Variants in FCHSD2 observed in about 807,000 individuals in gnomAD.
The protein encoded by FCHSD2 is F-BAR and double SH3 domains protein 2.
FCHSD2 carries 38 observed loss-of-function variants against 108.1 expected under a neutral mutation model. The ratio of observed to expected loss-of-function variants is 0.35; its 90% confidence interval spans 0.27 to 0.46. The LOEUF (loss-of-function observed/expected upper bound fraction) is 0.46, where lower values mean the gene tolerates loss of function less well. FCHSD2 is among the 20% of genes least tolerant of loss of function. FCHSD2 has a pLI of 1.00. For missense variants in FCHSD2, 751 were observed against 897.8 expected, an observed-to-expected ratio of 0.84 and a Z score of 2.09; for synonymous variants, 279 against 314.7, an observed-to-expected ratio of 0.89 and a Z score of 1.20.
rs373133591 is a variant in FCHSD2 at position 72,846,013 on chromosome 11, A to G, written c.1444-2481T>C. The stretch of plus-strand genomic sequence containing the variant: ...TGTTGAATGAATGGGGTGTTTGATA[A>G]TATCTTCCTCATAGGGTTATTGAAG... On this transcript the variant is annotated intron_variant, in intron 14 of 19. Coordinates refer to ENST00000409418, the MANE Select transcript of FCHSD2 (RefSeq NM_014824.3). Among the ~76,000 whole-genome samples the G allele has an allele frequency of 7.2e-5, 11 of 152,228 alleles. No individual in the cohort carries two copies. The East Asian group carries it at 1.9e-3, about 27-fold the overall frequency.
chr11:73,133,922 T>C (rs7117812), intron 2 of FCHSD2, among the ~76,000 whole-genome samples: 225 of 152,020 alleles, frequency 1.5e-3, no homozygotes, highest in African/African-American at 5.3e-3. Flanking sequence ...GAGCGACTGC[T>C]AATGGGTACC....
chr11:73,014,512 T>C (rs769379290), intron 4 of FCHSD2, among the ~76,000 whole-genome samples: 6 of 152,206 alleles, frequency 3.9e-5, no homozygotes, highest in Non-Finnish European at 8.8e-5. Context: ...CCTTCCATGA[T>C]ATCAGTAGGC....
At chr11:72,842,904 C>G in intron 16 of FCHSD2, 63 bp from the exon 17 acceptor site, 3 of 1,247,096 alleles carry the variant, frequency 2.4e-6, no homozygotes, top group Non-Finnish European at 3.5e-6. Flanking sequence ...TTTGCAACCA[C>G]CCCTATGCTC....
At chr11:73,047,055 A>C (rs577787034) in intron 3 of FCHSD2, among the ~76,000 whole-genome samples, 22 of 152,164 alleles carry the variant, frequency 1.4e-4, no homozygotes, top group Non-Finnish European at 2.6e-4. Context: ...AATACTATTA[A>C]ATATAAAAGA....
At chr11:73,013,980 C>T (rs1220550383) in intron 4 of FCHSD2, among the ~76,000 whole-genome samples, 1 of 152,024 alleles carries the variant, frequency 6.6e-6, no homozygotes, top group Non-Finnish European at 1.5e-5. Flanking sequence ...TTCCTTATAC[C>T]AGCAACACTG....
intron 3 of FCHSD2, among the ~76,000 whole-genome samples, chr11:73,067,839 A>C (rs180956528): frequency 6.6e-6 from 1 of 152,366 alleles, no homozygotes; most frequent in East Asian, 1.9e-4. Context: ...TACCTGCATT[A>C]GTCCATTTTC....
chr11:72,998,824 T>C (rs1044636759), intron 5 of FCHSD2, among the ~76,000 whole-genome samples: 5 of 152,194 alleles, frequency 3.3e-5, no homozygotes, highest in Non-Finnish European at 7.4e-5. Flanking sequence ...GGATAACAGA[T>C]GTTGGCAAGG....
Position 73,105,890 on chromosome 11 carries a change from T to C in FCHSD2, c.120-22150A>G, listed in dbSNP as rs549178765. On this transcript the variant is annotated intron_variant, in intron 2 of 19. Coordinates refer to ENST00000409418, the MANE Select transcript of FCHSD2 (RefSeq NM_014824.3). ...GAAAAAGCATTGTATTTCAGGTCTC[T>C]AATAAATCTGACAAAGTATCTGGTA... Among the ~76,000 whole-genome samples the C allele has an allele frequency of 9.8e-5, 15 of 152,334 alleles. No individual in the cohort carries two copies. The South Asian group carries it at 2.7e-3, about 27-fold the overall frequency.
chr11:73,128,643 C>G (rs1455767735), intron 2 of FCHSD2, among the ~76,000 whole-genome samples: 1 of 152,212 alleles, frequency 6.6e-6, no homozygotes, highest in Non-Finnish European at 1.5e-5. Flanking sequence ...CTCTCCTCTT[C>G]TTCCACCTGA....
chr11:72,898,333 T>C (rs954043728), intron 10 of FCHSD2, among the ~76,000 whole-genome samples: 2 of 152,238 alleles, frequency 1.3e-5, no homozygotes, highest in African/African-American at 2.4e-5. Flanking sequence ...CCTAACTATA[T>C]CTTACGTAAA....
At chr11:72,996,204 G>T (rs1303623285) in intron 5 of FCHSD2, among the ~76,000 whole-genome samples, 1 of 152,136 alleles carries the variant, frequency 6.6e-6, no homozygotes, top group Non-Finnish European at 1.5e-5. Context: ...GGAAGTAGTA[G>T]TATATTCAAG....
At chr11:73,005,634 T>A (rs921927154) in intron 4 of FCHSD2, among the ~76,000 whole-genome samples, 1 of 152,184 alleles carries the variant, frequency 6.6e-6, no homozygotes. Flanking sequence ...TTTAAATTTT[T>A]ATTTTATTTT....
chr11:73,052,774 C>A (rs1470543589), intron 3 of FCHSD2, among the ~76,000 whole-genome samples: 1 of 152,022 alleles, frequency 6.6e-6, no homozygotes. Context: ...CCAATAAGAT[C>A]AAAGGGCAAA....
chr11:73,142,183 C>T lies in FCHSD2; in HGVS notation c.-306G>A. The T allele has an allele frequency of 4.7e-6, 1 of 214,202 alleles. No homozygotes were observed. 13.3% of individuals were successfully genotyped at this position (214,202 alleles called of 1,614,324 possible). ...GGGGCGGGGGCCCCAGGAGCAGGGGCGCGAGGGTCTCAGCCGGCCGGGCGG... is the reference window on the plus strand; with the variant it reads ...GGGGCGGGGGCCCCAGGAGCAGGGGTGCGAGGGTCTCAGCCGGCCGGGCGG... On this transcript the variant is annotated 5_prime_UTR_variant, in exon 1 of 20. Coordinates refer to ENST00000409418, the MANE Select transcript of FCHSD2 (RefSeq NM_014824.3).
intron 12 of FCHSD2, among the ~76,000 whole-genome samples, chr11:72,881,140 A>ATACGTGT (rs1855078280): frequency 6.6e-6 from 1 of 152,216 alleles, no homozygotes; most frequent in Non-Finnish European, 1.5e-5. Context: ...ACAAGGGACT[A>ATACGTGT]ATATACGGAA....
At chr11:73,092,712 T>C (rs914630091) in intron 2 of FCHSD2, among the ~76,000 whole-genome samples, 4 of 152,230 alleles carry the variant, frequency 2.6e-5, no homozygotes, top group Non-Finnish European at 5.9e-5. Flanking sequence ...GATCACAATC[T>C]ACATCCACAT....
chr11:73,124,874 C>T (rs944512389), intron 2 of FCHSD2, among the ~76,000 whole-genome samples: 18 of 152,168 alleles, frequency 1.2e-4, no homozygotes, highest in African/African-American at 4.3e-4. Flanking sequence ...ACATTACACT[C>T]AAACTGTAGG....
chr11:73,021,411 C>A (rs1269349394), intron 3 of FCHSD2, among the ~76,000 whole-genome samples: 1 of 151,974 alleles, frequency 6.6e-6, no homozygotes. Context: ...TTTGCAGGGG[C>A]GTGGATGGCG....
At chr11:73,090,412 A>C (rs894179432) in intron 2 of FCHSD2, among the ~76,000 whole-genome samples, 1 of 151,888 alleles carries the variant, frequency 6.6e-6, no homozygotes, top group African/African-American at 2.4e-5. Context: ...TTTTTAGTAG[A>C]GACGGGGTTT....
Sources: allele counts gnomAD v4.1 joint callset (sites outside exome capture counted in the v4.1 genomes callset), GRCh38; gene constraint gnomAD v4.1.1; transcripts MANE v1.5; gene names NCBI Gene and HGNC (gene_info 2026-07-23, HGNC 2026-07-21).